The following IHO1 variants were observed in gnomAD, a reference collection of about 807,000 sequenced individuals.
The protein encoded by IHO1 is interactor of HORMAD1 1, also known as interactor of HORMAD1 protein 1.
In IHO1, 13 loss-of-function variants were observed where a neutral mutation model predicts 31.0. That is an observed-to-expected ratio of 0.42 (90% CI 0.27 to 0.67). IHO1 has a LOEUF of 0.67. IHO1 is among the 30% of genes least tolerant of loss of function. The probability of loss-of-function intolerance (pLI) is 0.24; values close to 1 mark genes in which losing one functional copy is unlikely to be tolerated. For synonymous variants in IHO1, 221 were observed against 248.4 expected (o/e 0.89, Z 1.04); for missense variants, 599 against 687.5 (o/e 0.87, Z 1.44).
the IHO1 span, among the ~76,000 whole-genome samples, chr3:49,192,904 G>A: frequency 2.7e-5 from 4 of 149,510 alleles, no homozygotes; most frequent in East Asian, 8.1e-4. Context: ...CTCAATAAAT[G>A]AATGAATGAA....
At position 49,257,123 on chromosome 3, in the gene IHO1, A is replaced by G. The variant is rs780572168; in HGVS notation, c.1626A>G (p.Gln542=). 6.2e-7 allele frequency: 1 copy of G among 1,614,176 alleles called. No individual in the cohort carries two copies. Among genetic ancestry groups the G allele is most frequent in the Non-Finnish European group, 8.5e-7 (1 of 1,180,024 alleles). Residue 542 remains glutamine, a synonymous_variant, in exon 8 of 8, where the codon CAA becomes CAG. Coordinates refer to ENST00000452691, the MANE Select transcript of IHO1 (RefSeq NM_001135197.2). ...RLLQLSRCSS[Q]DNWLLSSSSQ... ...TGCAGCTCAGCAGGTGCTCTTCCCA[A>G]GACAACTGGCTACTTTCCAGCAGTT...
At chr3:49,192,938 G>C in the IHO1 span, among the ~76,000 whole-genome samples, 1 of 151,818 alleles carries the variant, frequency 6.6e-6, no homozygotes, top group African/African-American at 2.4e-5. Context: ...ATTCACTGTA[G>C]CATCTATACA....
intron 6 of IHO1, among the ~76,000 whole-genome samples, chr3:49,254,937 G>T (rs151266305): frequency 6.6e-6 from 1 of 151,924 alleles, no homozygotes; most frequent in Non-Finnish European, 1.5e-5. Flanking sequence ...GGTGGCATGC[G>T]CATGTAATCC....
In IHO1 at chr3:49,236,716, T is replaced by C; in HGVS notation, c.225T>C (p.Tyr75=). The stretch of plus-strand genomic sequence containing the variant: ...ATTCAAAACAGTCACAACAGAACTA[T>C]CTGGAGGTGAGTCTGGTTTCCAGAA... ...LRHSKQSQQN[Y]LEGEPSIFTK... Residue 75 remains tyrosine, a synonymous_variant, in exon 3 of 8, where the codon TAT becomes TAC. Coordinates refer to ENST00000452691, the MANE Select transcript of IHO1 (RefSeq NM_001135197.2). 1 of 1,609,920 alleles carries C rather than the reference T, an allele frequency of 6.2e-7. No homozygotes were observed. The highest frequency in any genetic ancestry group is 8.5e-7 in the Non-Finnish European group (1 of 1,178,614).
upstream of IHO1, among the ~76,000 whole-genome samples, chr3:49,195,237 T>C (rs142276059): frequency 9.2e-4 from 137 of 148,298 alleles, 4 homozygotes; most frequent in East Asian, 0.025. Flanking sequence ...CTGGCCAACA[T>C]GGTGAAACCC....
At chr3:49,225,522 G>C (rs1165026962) in intron 2 of IHO1, among the ~76,000 whole-genome samples, 2 of 152,062 alleles carry the variant, frequency 1.3e-5, no homozygotes, top group African/African-American at 4.8e-5. Context: ...GCTTGAGTTT[G>C]TTCCTTCCAA....
At chr3:49,243,976 G>C (rs1380101598) in intron 4 of IHO1, among the ~76,000 whole-genome samples, 1 of 148,060 alleles carries the variant, frequency 6.8e-6, no homozygotes, top group African/African-American at 2.5e-5. Context: ...TTATTTTGAG[G>C]TGGAGTCTCG....
Position 49,240,034 on chromosome 3 carries a change from T to TTTTTC in IHO1, c.232-1167_232-1163dup, listed in dbSNP as rs562505524. Among the ~76,000 whole-genome samples, 503 of 152,116 alleles carry TTTTTC rather than the reference T, an allele frequency of 3.3e-3. 4 individuals carry two copies. The highest frequency in any genetic ancestry group is 3.4e-3 in the Middle Eastern group (1 of 294). The stretch of plus-strand genomic sequence containing the variant: ...ACAAATAAGATTAAGTTGGTGCTTT[T>TTTTTC]TTTTCTTTTCTTTTCTTTTCTTTTC... On this transcript the variant is annotated intron_variant, in intron 3 of 7. Coordinates refer to ENST00000452691, the MANE Select transcript of IHO1 (RefSeq NM_001135197.2).
In IHO1 at chr3:49,225,347, C is replaced by T. The variant is rs141045177; in HGVS notation, c.57-11201C>T. Reference sequence around the variant, plus strand: ...GCATGGTGGTGGGTGCCTGTAATCCCAGCCACTCAGGAGGCTGAGGCAGGA... The same window carrying T: ...GCATGGTGGTGGGTGCCTGTAATCCTAGCCACTCAGGAGGCTGAGGCAGGA... On this transcript the variant is annotated intron_variant, in intron 2 of 7. Coordinates refer to ENST00000452691, the MANE Select transcript of IHO1 (RefSeq NM_001135197.2). 7.6e-3 allele frequency among the ~76,000 whole-genome samples: 1,164 copies of T among 152,216 alleles called. 16 individuals carry two copies. The highest frequency in any genetic ancestry group is 0.026 in the African/African-American group (1,081 of 41,536).
intron 2 of IHO1, among the ~76,000 whole-genome samples, chr3:49,226,880 C>G (rs1378591707): frequency 6.6e-6 from 1 of 152,120 alleles, no homozygotes; most frequent in Non-Finnish European, 1.5e-5. Flanking sequence ...GGACATGTAC[C>G]TGGGTTGGGC....
chr3:49,213,717 G>A (rs1018275983), intron 2 of IHO1, among the ~76,000 whole-genome samples: 4 of 152,366 alleles, frequency 2.6e-5, no homozygotes, highest in Middle Eastern at 6.8e-3. Context: ...GGCCAGCGGC[G>A]CAGGCTGGCT....
Position 49,213,356 on chromosome 3 carries a change from T to C in IHO1, c.56+1520T>C, listed in dbSNP as rs543815118. Among the ~76,000 whole-genome samples, 7 of 152,342 alleles carry C rather than the reference T, an allele frequency of 4.6e-5. No individual in the cohort carries two copies. In the South Asian group the frequency reaches 6.2e-4, roughly 14 times the overall value. ...CAGATTAGCTGATACAGAGTGCTGA[T>C]TGGTGCATTTACAAACCTTGAGCTA... On this transcript the variant is annotated intron_variant, in intron 2 of 7. Coordinates refer to ENST00000452691, the MANE Select transcript of IHO1 (RefSeq NM_001135197.2).
chr3:49,195,279 G>A (rs1171315493), upstream of IHO1, among the ~76,000 whole-genome samples: 3 of 151,800 alleles, frequency 2.0e-5, no homozygotes, highest in African/African-American at 7.3e-5. Context: ...AAAATTAGCT[G>A]GGCGTGGTGA....
At position 49,229,609 on chromosome 3, in the gene IHO1, C is replaced by T. The variant is rs370253253; in HGVS notation, c.57-6939C>T. Among the ~76,000 whole-genome samples, 18 of 152,256 alleles carry T rather than the reference C, an allele frequency of 1.2e-4. No homozygotes were observed. The East Asian group carries it at 2.5e-3, about 21-fold the overall frequency. On this transcript the variant is annotated intron_variant, in intron 2 of 7. Transcript: ENST00000452691. Reference sequence around the variant, plus strand: ...TTGGGTGAATCAAATTACTGATAAACATCATACCTGTGAAATAACTATTCA... The same window carrying T: ...TTGGGTGAATCAAATTACTGATAAATATCATACCTGTGAAATAACTATTCA...
chr3:49,236,742 T>C lies in IHO1; in HGVS notation c.231+20T>C. ...CTGGAGGTGAGTCTGGTTTCCAGAA[T>C]TGATCTGCACACATTTCACAGTCAT... is the stretch of plus-strand genomic sequence containing the variant. On this transcript the variant is annotated intron_variant, in intron 3 of 7. Coordinates refer to ENST00000452691, the MANE Select transcript of IHO1 (RefSeq NM_001135197.2). 2 of 1,603,570 alleles carry C rather than the reference T, an allele frequency of 1.2e-6. No homozygotes were observed. The highest frequency in any genetic ancestry group is 1.3e-5 in the African/African-American group (1 of 74,436).
At chr3:49,193,944 G>A (rs549758340), upstream of IHO1, among the ~76,000 whole-genome samples, 89 of 149,890 alleles carry the variant, frequency 5.9e-4, 2 homozygotes, top group Non-Finnish European at 3.6e-4. Flanking sequence ...CCTGGGTGAC[G>A]GAGTGAGAAT....
intron 2 of IHO1, among the ~76,000 whole-genome samples, chr3:49,229,515 G>A (rs1040615083): frequency 1.3e-5 from 2 of 152,248 alleles, no homozygotes; most frequent in Non-Finnish European, 1.5e-5. Flanking sequence ...TGTGCCGTAT[G>A]TAGAAATGGG....
intron 1 of IHO1, 24 bp from the exon 2 acceptor site, chr3:49,211,742 A>G: frequency 8.9e-7 from 1 of 1,122,830 alleles, no homozygotes; most frequent in South Asian, 1.3e-5. Flanking sequence ...AACTTTCTTA[A>G]TATTCACCTA....
chr3:49,245,971 C>T (rs1165698853), intron 6 of IHO1, among the ~76,000 whole-genome samples: 1 of 150,242 alleles, frequency 6.7e-6, no homozygotes, highest in Non-Finnish European at 1.5e-5. Context: ...ATCACAAGGT[C>T]AGGAGTTCAA....
Sources: gnomAD v4.1 joint callset for allele counts (sites outside exome capture counted in the v4.1 genomes callset) on GRCh38, gnomAD v4.1.1 for gene constraint, MANE v1.5 for transcripts, NCBI Gene and HGNC (gene_info 2026-07-23, HGNC 2026-07-21) for gene names.